The following CMTM7 variants were observed in gnomAD, a reference collection of about 807,000 sequenced individuals.
CMTM7 encodes CKLF-like MARVEL transmembrane domain-containing protein 7.
CMTM7 carries 7 observed loss-of-function variants against 19.3 expected under a neutral mutation model. That is an observed-to-expected ratio of 0.36 (90% CI 0.21 to 0.68). The LOEUF (loss-of-function observed/expected upper bound fraction) is 0.68. CMTM7 is among the 30% of genes least tolerant of loss of function. The pLI, the probability that CMTM7 is intolerant of heterozygous loss-of-function variation, is 0.60. For missense variants in CMTM7, 193 were observed against 232.6 expected (o/e 0.83, Z 1.11); for synonymous variants, 87 against 99.3 (o/e 0.88, Z 0.74).
intron 1 of CMTM7, among the ~76,000 whole-genome samples, chr3:32,421,037 C>T (rs953210712): frequency 1.9e-4 from 29 of 151,942 alleles, no homozygotes; most frequent in African/African-American, 6.8e-4. Context: ...TGGAGGCTCC[C>T]TGGGACATTC....
chr3:32,394,803 C>T (rs1038319431), intron 1 of CMTM7, among the ~76,000 whole-genome samples: 1 of 151,776 alleles, frequency 6.6e-6, no homozygotes, highest in East Asian at 1.9e-4. Context: ...TCAATCAAAT[C>T]TCCTGTCTCA....
chr3:32,442,206 C>A (rs1306736271), intron 2 of CMTM7, among the ~76,000 whole-genome samples, 193 bp downstream of exon 2: 3 of 152,080 alleles, frequency 2.0e-5, no homozygotes, highest in Non-Finnish European at 4.4e-5. Context: ...AACTCACTTT[C>A]CAGCTACAAG....
intron 1 of CMTM7, among the ~76,000 whole-genome samples, chr3:32,440,132 CGTG>C (rs1224088726): frequency 6.6e-6 from 1 of 151,886 alleles, no homozygotes; most frequent in Non-Finnish European, 1.5e-5. Context: ...TCTGGCCAGG[CGTG>C]GTGGCTCACA....
rs559747169 is a variant in CMTM7 at position 32,404,707 on chromosome 3, CCAGT to C, written c.159+12649_159+12652del. ...TGGTATGCACACCTGAGGGTGACTC[CCAGT>C]CAGTCACATCCTGTGTAATTCCATC... is the stretch of plus-strand genomic sequence containing the variant. On this transcript the variant is annotated intron_variant, in intron 1 of 4. Transcript: ENST00000334983. Among the ~76,000 whole-genome samples the C allele has an allele frequency of 3.0e-4, 45 of 152,336 alleles. No homozygotes were observed. In the East Asian group the frequency reaches 8.3e-3, roughly 28 times the overall value.
At chr3:32,407,949 G>T (rs1369242352) in intron 1 of CMTM7, among the ~76,000 whole-genome samples, 1 of 152,178 alleles carries the variant, frequency 6.6e-6, no homozygotes, top group Non-Finnish European at 1.5e-5. Flanking sequence ...CAGAACCTGA[G>T]AATGTTCCCT....
chr3:32,405,316 T>C (rs1696076382), intron 1 of CMTM7, among the ~76,000 whole-genome samples: 1 of 152,214 alleles, frequency 6.6e-6, no homozygotes. Context: ...CACAAAAGCC[T>C]TTTTATCCTG....
At chr3:32,392,878 CTT>C (rs1291227918) in intron 1 of CMTM7, among the ~76,000 whole-genome samples, 3 of 152,214 alleles carry the variant, frequency 2.0e-5, no homozygotes, top group Admixed American at 1.3e-4. Flanking sequence ...GTTCCCCACT[CTT>C]TTCTTTTCTC....
At chr3:32,454,198 C>T (rs201277188) in intron 4 of CMTM7, 43 bp from the exon 5 acceptor site, 3 of 1,563,942 alleles carry the variant, frequency 1.9e-6, no homozygotes, top group African/African-American at 2.7e-5. Context: ...GTGGGTGGGC[C>T]ACATCCCTGG....
chr3:32,446,504 A>AT (rs1189836889), intron 2 of CMTM7, among the ~76,000 whole-genome samples: 2 of 151,040 alleles, frequency 1.3e-5, no homozygotes, highest in East Asian at 1.9e-4. Flanking sequence ...TTTAATCTTT[A>AT]TTTTTTTTCT....
At chr3:32,408,579 G>C (rs77243802) in intron 1 of CMTM7, among the ~76,000 whole-genome samples, 1 of 152,192 alleles carries the variant, frequency 6.6e-6, no homozygotes, top group African/African-American at 2.4e-5. Context: ...GAAAACATCA[G>C]AGAGTGGTTC....
intron 2 of CMTM7, among the ~76,000 whole-genome samples, chr3:32,442,580 G>A (rs73066789): frequency 0.031 from 4,762 of 151,690 alleles, 112 homozygotes; most frequent in Middle Eastern, 0.054. Flanking sequence ...AACAGAGAAT[G>A]GCTGTGTGTG....
At chr3:32,424,519 G>A (rs1696397181) in intron 1 of CMTM7, among the ~76,000 whole-genome samples, 1 of 152,204 alleles carries the variant, frequency 6.6e-6, no homozygotes, top group Non-Finnish European at 1.5e-5. Flanking sequence ...CATGAACGCA[G>A]TGTTGGGTGT....
rs372949640 is a variant in CMTM7, at chr3:32,430,327, C to T, written c.160-11513C>T. On this transcript the variant is annotated intron_variant, in intron 1 of 4. Transcript: ENST00000334983. ...TGGCCAGCGTGTCTGCTTGTCATGGCGGTGCCTGCTCAGGCCATCCCCATT... is the reference window on the plus strand; with the variant it reads ...TGGCCAGCGTGTCTGCTTGTCATGGTGGTGCCTGCTCAGGCCATCCCCATT... 1.7e-3 allele frequency among the ~76,000 whole-genome samples: 266 copies of T among 152,212 alleles called. 2 individuals carry two copies. The highest frequency in any genetic ancestry group is 5.8e-3 in the African/African-American group (241 of 41,536).
At chr3:32,429,042 T>C (rs1271692759) in intron 1 of CMTM7, among the ~76,000 whole-genome samples, 1 of 152,254 alleles carries the variant, frequency 6.6e-6, no homozygotes, top group Non-Finnish European at 1.5e-5. Flanking sequence ...TATTGCACTT[T>C]CATTCAGTTT....
intron 2 of CMTM7, among the ~76,000 whole-genome samples, chr3:32,445,843 C>G (rs924454007): frequency 6.6e-6 from 1 of 152,122 alleles, no homozygotes; most frequent in Non-Finnish European, 1.5e-5. Context: ...TTGGGCCAAC[C>G]TTGCATTCCT....
At chr3:32,426,923 A>G (rs1380213350) in intron 1 of CMTM7, among the ~76,000 whole-genome samples, 1 of 152,226 alleles carries the variant, frequency 6.6e-6, no homozygotes, top group African/African-American at 2.4e-5. Flanking sequence ...ACTACTTATT[A>G]TATACTTTAT....
intron 1 of CMTM7, among the ~76,000 whole-genome samples, chr3:32,412,739 C>T (rs1229738910): frequency 1.3e-5 from 2 of 152,072 alleles, no homozygotes; most frequent in East Asian, 3.8e-4. Flanking sequence ...ACAGTTTCTA[C>T]AATGTTATAT....
chr3:32,418,113 C>T (rs994114779), intron 1 of CMTM7, among the ~76,000 whole-genome samples: 16 of 152,292 alleles, frequency 1.1e-4, no homozygotes, highest in South Asian at 4.1e-4. Flanking sequence ...CGAGCCACCG[C>T]GCCTGTCCTT....
intron 4 of CMTM7, among the ~76,000 whole-genome samples, chr3:32,452,735 T>G (rs1323036808): frequency 6.6e-6 from 1 of 151,486 alleles, no homozygotes; most frequent in Non-Finnish European, 1.5e-5. Flanking sequence ...CTTGCTTCCT[T>G]TCTTTCTTTT....
Sources: gnomAD v4.1 joint callset for allele counts (sites outside exome capture counted in the v4.1 genomes callset) on GRCh38, gnomAD v4.1.1 for gene constraint, MANE v1.5 for transcripts, NCBI Gene and HGNC (gene_info 2026-07-23, HGNC 2026-07-21) for gene names.